Variants in CRY1 observed in about 807,000 individuals in gnomAD.
CRY1 encodes the protein cryptochrome-1.
A neutral mutation model predicts 76.0 loss-of-function variants in CRY1; 45 were observed. The ratio of observed to expected loss-of-function variants is 0.59; its 90% CI spans 0.47 to 0.76. The LOEUF is 0.76. Among genes scored for constraint, CRY1 ranks in the 30% least tolerant of loss-of-function variants. CRY1 has a pLI of 0.00. For missense variants in CRY1, 587 were observed against 716.4 expected (o/e 0.82, Z 2.06); for synonymous variants, 248 against 244.0 (o/e 1.02, Z -0.15).
In CRY1 at chr12:107,060,902, C is replaced by T. The variant is rs548653858; in HGVS notation, c.158+31902G>A. Among the ~76,000 whole-genome samples the T allele has an allele frequency of 2.4e-4, 37 of 152,102 alleles. No homozygotes were observed. In the South Asian group the frequency reaches 3.5e-3, roughly 15 times the overall value. The stretch of plus-strand genomic sequence containing the variant: ...GTGAGGCAGGAGAATGGCTTGAACC[C>T]GGGAGGCGGAAGTTGTGAGCTGAGA... On this transcript the variant is annotated intron_variant, in intron 1 of 12. Coordinates refer to ENST00000008527, the MANE Select transcript of CRY1 (RefSeq NM_004075.5).
chr12:107,063,310 T>G (rs1394742319), intron 1 of CRY1, among the ~76,000 whole-genome samples: 3 of 152,196 alleles, frequency 2.0e-5, no homozygotes, highest in African/African-American at 7.2e-5. Flanking sequence ...ACGCTATTAA[T>G]TAAGAAATAA....
Position 106,998,169 on chromosome 12 carries a change from C to A in CRY1, c.1138-103G>T, listed in dbSNP as rs538006522. 14 of 1,307,246 alleles carry A rather than the reference C, an allele frequency of 1.1e-5. No homozygotes were observed. In the East Asian group the frequency reaches 3.0e-4, roughly 28 times the overall value. 81.0% of individuals were successfully genotyped at this position (1,307,246 alleles called of 1,614,324 possible). Reference sequence around the variant, plus strand: ...CAAAGTCAAGGCAAAGAAAATCTAGCACAGAATTGTAAAATTAAACATTCC... The same window carrying A: ...CAAAGTCAAGGCAAAGAAAATCTAGAACAGAATTGTAAAATTAAACATTCC... On this transcript the variant is annotated intron_variant, in intron 7 of 12. Coordinates refer to ENST00000008527, the MANE Select transcript of CRY1 (RefSeq NM_004075.5).
chr12:107,066,383 A>G (rs1250948394), intron 1 of CRY1, among the ~76,000 whole-genome samples: 1 of 152,170 alleles, frequency 6.6e-6, no homozygotes, highest in African/African-American at 2.4e-5. Flanking sequence ...TTATCTTTAA[A>G]TGTACATAGA....
intron 1 of CRY1, among the ~76,000 whole-genome samples, chr12:107,026,769 G>GTTTT (rs66881305): frequency 1.5e-5 from 2 of 134,196 alleles, no homozygotes; most frequent in Non-Finnish European, 3.2e-5. Context: ...AATAATTCCT[G>GTTTT]TTTTTTTTTT....
chr12:107,007,142 C>A (rs116124396), intron 2 of CRY1, among the ~76,000 whole-genome samples: 2 of 152,116 alleles, frequency 1.3e-5, no homozygotes, highest in Admixed American at 1.3e-4. Context: ...TACGAACTTG[C>A]TATTTTTGAA....
chr12:106,997,123 A>G (rs569122940), intron 10 of CRY1, among the ~76,000 whole-genome samples, 171 bp downstream of exon 10: 1 of 152,336 alleles, frequency 6.6e-6, no homozygotes, highest in African/African-American at 2.4e-5. Context: ...AATGTCATCA[A>G]TGGAGTGAAG....
chr12:107,064,308 A>T (rs1426672772), intron 1 of CRY1, among the ~76,000 whole-genome samples: 1 of 152,232 alleles, frequency 6.6e-6, no homozygotes, highest in Non-Finnish European at 1.5e-5. Context: ...AAAAGATTAG[A>T]GTAACACACT....
At chr12:107,074,798 T>C (rs915601144) in intron 1 of CRY1, among the ~76,000 whole-genome samples, 3 of 152,180 alleles carry the variant, frequency 2.0e-5, no homozygotes, top group African/African-American at 7.2e-5. Flanking sequence ...GTGGATTACC[T>C]GAGTTCAGGA....
At chr12:107,046,589 T>C (rs892923745) in intron 1 of CRY1, among the ~76,000 whole-genome samples, 2 of 151,974 alleles carry the variant, frequency 1.3e-5, no homozygotes, top group Admixed American at 6.6e-5. Flanking sequence ...AGCTACAGAG[T>C]AGCCAAATGG....
chr12:107,038,303 A>C (rs1952759965), intron 1 of CRY1, among the ~76,000 whole-genome samples: 1 of 152,202 alleles, frequency 6.6e-6, no homozygotes, highest in African/African-American at 2.4e-5. Flanking sequence ...TAGTCTTAAG[A>C]CTAGATGAAG....
At chr12:107,024,069 A>G (rs921732463) in intron 1 of CRY1, among the ~76,000 whole-genome samples, 3 of 152,246 alleles carry the variant, frequency 2.0e-5, no homozygotes, top group Admixed American at 6.5e-5. Context: ...AGAACTAGCA[A>G]TTTTAAGTTT....
At chr12:107,023,213 T>A (rs1162040944) in intron 1 of CRY1, among the ~76,000 whole-genome samples, 5 of 152,226 alleles carry the variant, frequency 3.3e-5, no homozygotes, top group African/African-American at 4.8e-5. Context: ...AGAATAGCAA[T>A]TATCTCTTAC....
chr12:107,032,775 C>T (rs1952692238), intron 1 of CRY1, among the ~76,000 whole-genome samples: 1 of 152,206 alleles, frequency 6.6e-6, no homozygotes, highest in South Asian at 2.1e-4. Flanking sequence ...CTTCCCTGCA[C>T]TCTAGCCTGC....
chr12:107,035,955 A>G (rs1224501162), intron 1 of CRY1, among the ~76,000 whole-genome samples: 1 of 152,142 alleles, frequency 6.6e-6, no homozygotes, highest in African/African-American at 2.4e-5. Flanking sequence ...AACCTCCCAA[A>G]TCAGTGGCTT....
intron 2 of CRY1, among the ~76,000 whole-genome samples, chr12:107,005,561 G>A (rs1952363919): frequency 6.6e-6 from 1 of 152,116 alleles, no homozygotes; most frequent in Non-Finnish European, 1.5e-5. Flanking sequence ...TATTTCATTT[G>A]AGCCTCAAAA....
chr12:107,038,094 T>C (rs1303508096), intron 1 of CRY1, among the ~76,000 whole-genome samples: 8 of 152,126 alleles, frequency 5.3e-5, no homozygotes. Context: ...GGAAAATCAC[T>C]TAGAGGTTAC....
At chr12:107,021,290 A>AG (rs1171136477) in intron 2 of CRY1, among the ~76,000 whole-genome samples, 2 of 152,164 alleles carry the variant, frequency 1.3e-5, no homozygotes, top group Non-Finnish European at 2.9e-5. Flanking sequence ...TCTCAAAAAA[A>AG]GAAAAAAAAA....
At chr12:107,032,947 C>T (rs1032728891) in intron 1 of CRY1, among the ~76,000 whole-genome samples, 14 of 151,634 alleles carry the variant, frequency 9.2e-5, no homozygotes, top group Admixed American at 5.9e-4. Flanking sequence ...AACACAAATT[C>T]GTGAGAAACA....
chr12:107,066,873 C>A (rs1953118263), intron 1 of CRY1, among the ~76,000 whole-genome samples: 1 of 152,068 alleles, frequency 6.6e-6, no homozygotes, highest in South Asian at 2.1e-4. Flanking sequence ...GATCATGGCT[C>A]ACCACACCCT....
Sources: gnomAD v4.1 joint callset for allele counts (sites outside exome capture counted in the v4.1 genomes callset) on GRCh38, gnomAD v4.1.1 for gene constraint, MANE v1.5 for transcripts, NCBI Gene and HGNC (gene_info 2026-07-23, HGNC 2026-07-21) for gene names.